The following INTS13 variants were observed in gnomAD, a reference collection of about 807,000 sequenced individuals.
INTS13 encodes integrator complex subunit 13, also known as asunder, spermatogenesis regulator homolog (Drosphila).
In INTS13, 35 loss-of-function variants were observed where a neutral mutation model predicts 90.2. The observed-to-expected ratio is 0.39, with a 90% CI of 0.30 to 0.51. The LOEUF is 0.51. INTS13 is among the 20% of genes least tolerant of loss of function. The pLI is 0.80. For missense variants in INTS13, 601 were observed against 851.2 expected, an observed-to-expected ratio of 0.71 and a Z score of 3.66; for synonymous variants, 309 against 277.1, an observed-to-expected ratio of 1.11 and a Z score of -1.14.
At chr12:26,919,963 T>C (rs755363304) in intron 8 of INTS13, among the ~76,000 whole-genome samples, 66 of 151,942 alleles carry the variant, frequency 4.3e-4, no homozygotes, top group Admixed American at 1.8e-3. Context: ...CCCGTCTCTA[T>C]TAAAAACACA....
chr12:26,917,505 G>C, intron 9 of INTS13, 64 bp from the exon 10 acceptor site: 1 of 1,260,414 alleles, frequency 7.9e-7, no homozygotes, highest in Non-Finnish European at 1.1e-6. Flanking sequence ...TTAAAAGAAA[G>C]AAAAAAAAAC....
Position 26,913,586 on chromosome 12 carries a change from G to A in INTS13, c.1676C>T (p.Ala559Val). 1 of 1,613,978 alleles carries A rather than the reference G, an allele frequency of 6.2e-7. No homozygotes were observed. Among genetic ancestry groups the A allele is most frequent in the Non-Finnish European group, 8.5e-7 (1 of 1,179,984 alleles). ...KHQRVLECLM[A>V]CRSKPPEEEE... Reference sequence around the variant, plus strand: ...CTCTTCTGGGGGTTTGCTCCTGCATGCCATCAGACATTCCAAGACTCTTTG... The same window carrying A: ...CTCTTCTGGGGGTTTGCTCCTGCATACCATCAGACATTCCAAGACTCTTTG... The change falls in exon 14 of 17, where the codon GCA (alanine) becomes GTA (valine). Residue 559 changes from alanine to valine, a missense_variant. Physicochemically the swap from Ala to Val is moderately conservative, Grantham distance 64 (BLOSUM62 0). Coordinates refer to ENST00000261191, the MANE Select transcript of INTS13 (RefSeq NM_018164.3).
chr12:26,905,594 CCTTAT>C, intron 16 of INTS13, 58 bp from the exon 17 acceptor site: 1 of 1,427,886 alleles, frequency 7.0e-7, no homozygotes, highest in Non-Finnish European at 9.8e-7. Flanking sequence ...CATTTTGTCT[CCTTAT>C]CTACCTTTCA....
chr12:26,935,531 A>G (rs1017443160), intron 2 of INTS13, among the ~76,000 whole-genome samples: 34 of 152,224 alleles, frequency 2.2e-4, no homozygotes, highest in African/African-American at 8.0e-4. Context: ...TCTCTTTTAA[A>G]GCTTACATCG....
intron 2 of INTS13, among the ~76,000 whole-genome samples, chr12:26,936,138 C>T (rs1396609640): frequency 2.6e-5 from 4 of 152,202 alleles, no homozygotes; most frequent in Non-Finnish European, 5.9e-5. Context: ...GGACAAGTTT[C>T]TTCTCTTTAC....
At chr12:26,935,287 A>C (rs923674578) in intron 2 of INTS13, among the ~76,000 whole-genome samples, 34 of 152,256 alleles carry the variant, frequency 2.2e-4, no homozygotes, top group Non-Finnish European at 5.0e-4. Context: ...AGATAATGAC[A>C]AAGAACATTT....
upstream of INTS13, chr12:26,938,078 G>C (rs113645979): frequency 2.0e-5 from 3 of 152,700 alleles, no homozygotes; most frequent in African/African-American, 7.2e-5. Flanking sequence ...CCCCCTCGTA[G>C]GGCCAGGCGT....
chr12:26,914,186 C>T lies in INTS13; in HGVS notation c.1420-58G>A, dbSNP rs1951868265. On this transcript the variant is annotated intron_variant, in intron 12 of 16. Coordinates refer to ENST00000261191, the MANE Select transcript of INTS13 (RefSeq NM_018164.3). ...CTGTCTTGAAAAATAAATATCAAAA[C>T]ATCTAGGCAGAACTTGATTTTCGAA... 2.8e-6 allele frequency: 4 copies of T among 1,443,182 alleles called. No homozygotes were observed. In the South Asian group the frequency reaches 4.1e-5, roughly 15 times the overall value. 89.4% of individuals were successfully genotyped at this position (1,443,182 alleles called of 1,614,324 possible).
Position 26,913,994 on chromosome 12 carries a change from T to A in INTS13, c.1554A>T (p.Thr518=), listed in dbSNP as rs753750096. 1 of 1,609,362 alleles carries A rather than the reference T, an allele frequency of 6.2e-7. No individual in the cohort carries two copies. Among genetic ancestry groups the A allele is most frequent in the Non-Finnish European group, 8.5e-7 (1 of 1,178,854 alleles). ...TGTACCTTTTAGGGCCCTTTCCTCT[T>A]GTACCAACTGTGGAAATAGGTAGAG... is the stretch of plus-strand genomic sequence containing the variant. ...NDPLPISTVG[T]RGKGPKRDEQ... Residue 518 remains threonine, a synonymous_variant, in exon 13 of 17, where the codon ACA becomes ACT. Transcript: ENST00000261191.
At chr12:26,917,471 G>T in intron 9 of INTS13, 30 bp from the exon 10 acceptor site, 1 of 1,317,346 alleles carries the variant, frequency 7.6e-7, no homozygotes, top group Non-Finnish European at 1.1e-6. Flanking sequence ...TGATTTGAAA[G>T]AATATAAAGA....
At chr12:26,911,973 AG>A (rs1180524905) in intron 14 of INTS13, among the ~76,000 whole-genome samples, 20 of 152,214 alleles carry the variant, frequency 1.3e-4, no homozygotes, top group Admixed American at 1.3e-3. Context: ...ATACAATTAC[AG>A]GATTTCCAGA....
intron 15 of INTS13, among the ~76,000 whole-genome samples, chr12:26,910,266 C>G (rs765845128): frequency 2.0e-5 from 3 of 152,140 alleles, no homozygotes; most frequent in Non-Finnish European, 2.9e-5. Flanking sequence ...TCAGCTCTTA[C>G]TATAGTATCA....
rs776039801 is a variant in INTS13 at position 26,924,465 on chromosome 12, T to A, written c.694A>T (p.Ser232Cys). ...CCTGCACGAACACTATGAACTTCACTGGTTAAAACCGGGGACAACTACAGA... is the reference window on the plus strand; with the variant it reads ...CCTGCACGAACACTATGAACTTCACAGGTTAAAACCGGGGACAACTACAGA... ...SKKELSPVLT[S>C]EVHSVRAGRH... The change falls in exon 7 of 17, where the codon AGT becomes TGT. Residue 232 changes from serine to cysteine, a missense_variant. Coordinates refer to ENST00000261191, the MANE Select transcript of INTS13 (RefSeq NM_018164.3). 7 of 1,606,802 alleles carry A rather than the reference T, an allele frequency of 4.4e-6. No homozygotes were observed. The highest frequency in any genetic ancestry group is 6.0e-6 in the Non-Finnish European group (7 of 1,176,234).
intron 3 of INTS13, 88 bp from the exon 4 acceptor site, chr12:26,928,993 A>T: frequency 8.7e-7 from 1 of 1,154,818 alleles, no homozygotes; most frequent in South Asian, 1.4e-5. Flanking sequence ...ACACCAATGT[A>T]TCTTACATAT....
In INTS13 at chr12:26,914,140, T is replaced by A; in HGVS notation, c.1420-12A>T. 6.4e-7 allele frequency: 1 copy of A among 1,554,190 alleles called. No individual in the cohort carries two copies. On this transcript the variant is annotated splice_polypyrimidine_tract_variant and intron_variant, in intron 12 of 16. Coordinates refer to ENST00000261191, the MANE Select transcript of INTS13 (RefSeq NM_018164.3). ...GCTAATGGAACTACCTGTTAGATTT[T>A]TTTTAAAGAAAAAAGAAAATCTGTC... is the stretch of plus-strand genomic sequence containing the variant.
At chr12:26,912,585 ACAT>A (rs1951812200) in intron 14 of INTS13, among the ~76,000 whole-genome samples, 3 of 152,246 alleles carry the variant, frequency 2.0e-5, no homozygotes, top group Admixed American at 2.0e-4. Flanking sequence ...TTTAACGCTG[ACAT>A]CATAATATAA....
chr12:26,922,438 T>C lies in INTS13; in HGVS notation c.889+178A>G, dbSNP rs759989117. Reference sequence around the variant, plus strand: ...CTTTGCCTAATTTATATATTAAACTTTATCATAGGTATGTACGTATAGGAG... The same window carrying C: ...CTTTGCCTAATTTATATATTAAACTCTATCATAGGTATGTACGTATAGGAG... On this transcript the variant is annotated intron_variant, in intron 8 of 16. Coordinates refer to ENST00000261191, the MANE Select transcript of INTS13 (RefSeq NM_018164.3). Among the ~76,000 whole-genome samples the C allele has an allele frequency of 4.7e-4, 72 of 152,212 alleles. 2 individuals carry two copies. The highest frequency in any genetic ancestry group is 1.5e-4 in the Non-Finnish European group (10 of 68,048).
In INTS13 at chr12:26,905,492, A is replaced by G; in HGVS notation, c.*5T>C. 1 of 1,610,126 alleles carries G rather than the reference A, an allele frequency of 6.2e-7. No homozygotes were observed. Among genetic ancestry groups the G allele is most frequent in the Non-Finnish European group, 8.5e-7 (1 of 1,178,578 alleles). On this transcript the variant is annotated 3_prime_UTR_variant, in exon 17 of 17. Coordinates refer to ENST00000261191, the MANE Select transcript of INTS13 (RefSeq NM_018164.3). The stretch of plus-strand genomic sequence containing the variant: ...TATGCTAAATTTAGTTCTTCAAGTC[A>G]CTCTTCACTGCCGGCTGGCTTTTCC...
At chr12:26,921,114 A>G (rs976918836) in intron 8 of INTS13, among the ~76,000 whole-genome samples, 3 of 152,256 alleles carry the variant, frequency 2.0e-5, no homozygotes, top group Admixed American at 6.5e-5. Context: ...TCTTTCATTC[A>G]TAAGCATGCA....
Sources: allele counts gnomAD v4.1 joint callset (sites outside exome capture counted in the v4.1 genomes callset), GRCh38; gene constraint gnomAD v4.1.1; transcripts MANE v1.5; gene names NCBI Gene and HGNC (gene_info 2026-07-23, HGNC 2026-07-21).